The following ZNF469 variants were observed in gnomAD, a reference collection of about 807,000 sequenced individuals.
ZNF469 encodes zinc finger protein 469.
ZNF469 carries 1 observed loss-of-function variant against 1.0 expected under a neutral mutation model. The observed-to-expected ratio is 1.00, with a 90% confidence interval of 0.35 to 4.73. The LOEUF is 4.73. ZNF469 is among the 30% of genes most tolerant of loss of function. The probability of loss-of-function intolerance (pLI) is 0.16; values close to 1 mark genes in which losing one functional copy is unlikely to be tolerated. For missense variants in ZNF469, 6,100 were observed against 5,356.3 expected (o/e 1.14, Z -4.33); for synonymous variants, 2,703 against 2,363.4 (o/e 1.14, Z -4.17).
the ZNF469 span, among the ~76,000 whole-genome samples, chr16:88,193,247 T>TGGG: frequency 7.1e-6 from 1 of 141,434 alleles, no homozygotes; most frequent in Non-Finnish European, 1.6e-5. Flanking sequence ...GTGGTGGTGG[T>TGGG]GATGGTGGTG....
the ZNF469 span, among the ~76,000 whole-genome samples, chr16:88,132,467 T>C: frequency 6.6e-6 from 1 of 152,220 alleles, no homozygotes; most frequent in Non-Finnish European, 1.5e-5. Context: ...TCCAGCTCCA[T>C]GGGGCTCGAG....
chr16:88,379,336 C>T (rs2092515601), upstream of ZNF469, among the ~76,000 whole-genome samples: 1 of 152,140 alleles, frequency 6.6e-6, no homozygotes, highest in Non-Finnish European at 1.5e-5. Context: ...TAGGACCACC[C>T]GGGAGCCTTC....
the ZNF469 span, among the ~76,000 whole-genome samples, chr16:88,268,793 C>T: frequency 1.3e-5 from 2 of 152,222 alleles, no homozygotes; most frequent in Non-Finnish European, 2.9e-5. Flanking sequence ...GTGCCCCAGA[C>T]ACTCGCTTGA....
chr16:88,210,039 T>C, the ZNF469 span, among the ~76,000 whole-genome samples: 98,190 of 152,120 alleles, frequency 0.65, 32,537 homozygotes, highest in East Asian at 0.76. Flanking sequence ...TCCCCAGAGC[T>C]TTCTCATGGG....
the ZNF469 span, among the ~76,000 whole-genome samples, chr16:88,208,674 G>A: frequency 1.3e-5 from 2 of 149,590 alleles, no homozygotes; most frequent in Non-Finnish European, 3.0e-5. Context: ...GAGGGAAGAA[G>A]GGAGGAGGGA....
chr16:88,138,485 T>C, the ZNF469 span, among the ~76,000 whole-genome samples: 6 of 152,256 alleles, frequency 3.9e-5, no homozygotes, highest in Non-Finnish European at 8.8e-5. Flanking sequence ...ATCTTCATTC[T>C]ACATAAGCCT....
the ZNF469 span, among the ~76,000 whole-genome samples, chr16:88,219,862 C>T: frequency 2.6e-5 from 4 of 152,160 alleles, no homozygotes; most frequent in Non-Finnish European, 5.9e-5. Flanking sequence ...CCAGAAGTGG[C>T]CCTCCGTGGG....
the ZNF469 span, among the ~76,000 whole-genome samples, chr16:88,284,085 C>T: frequency 0.039 from 623 of 15,982 alleles, 16 homozygotes; most frequent in Middle Eastern, 0.14. Flanking sequence ...CCGAGGTCTG[C>T]GGAGGCTGGT....
Position 88,437,271 on chromosome 16 carries a change from G to T in ZNF469, c.9801G>T (p.Pro3267=). 6.5e-7 allele frequency: 1 copy of T among 1,548,374 alleles called. No individual in the cohort carries two copies. Among genetic ancestry groups the T allele is most frequent in the Non-Finnish European group, 8.7e-7 (1 of 1,145,862 alleles). ...GQEGEAKKDS[P]GERAKPRARS... is the part of the protein sequence containing the mutation. ...AGGGAGAAGCCAAGAAAGACAGCCC[G>T]GGCGAGAGGGCGAAACCCCGGGCAC... Residue 3267 remains proline (P), a synonymous_variant, in exon 3 of 3, where the codon CCG becomes CCT. Coordinates refer to ENST00000565624, the MANE Select transcript of ZNF469 (RefSeq NM_001367624.2).
chr16:88,166,917 TAGG>T, the ZNF469 span, among the ~76,000 whole-genome samples: 3 of 152,176 alleles, frequency 2.0e-5, no homozygotes, highest in Admixed American at 1.3e-4. This position sits in a 1 kb window ranked among gnomAD's most constrained non-coding sequence, Gnocchi z 4.5. Flanking sequence ...GTGTGATTTT[TAGG>T]AGTTTTCTCT....
intron 1 of ZNF469, among the ~76,000 whole-genome samples, chr16:88,393,624 G>A (rs546115876): frequency 2.6e-5 from 4 of 152,170 alleles, no homozygotes; most frequent in Admixed American, 2.0e-4. Context: ...GGAGGGGTTC[G>A]GGTGGGGGTC....
At chr16:88,216,392 G>A in the ZNF469 span, among the ~76,000 whole-genome samples, 1 of 151,920 alleles carries the variant, frequency 6.6e-6, no homozygotes, top group East Asian at 1.9e-4. Flanking sequence ...TACTTGGGAG[G>A]CTGAGGCAGG....
chr16:88,172,809 T>C, the ZNF469 span, among the ~76,000 whole-genome samples: 1 of 152,342 alleles, frequency 6.6e-6, no homozygotes, highest in South Asian at 2.1e-4. Flanking sequence ...AGAAATTTAA[T>C]ACCTGAAATG....
intron 1 of ZNF469, among the ~76,000 whole-genome samples, chr16:88,403,868 C>A (rs1904952358): frequency 6.6e-6 from 1 of 152,164 alleles, no homozygotes. Context: ...CACTCCTCAG[C>A]CTGGTTCAAA....
the ZNF469 span, among the ~76,000 whole-genome samples, chr16:88,344,948 G>A: frequency 6.6e-6 from 1 of 152,184 alleles, no homozygotes; most frequent in African/African-American, 2.4e-5. Flanking sequence ...GTGTGGCCCC[G>A]ACATCCCTGA....
At chr16:88,364,489 C>CAAAA in the ZNF469 span, among the ~76,000 whole-genome samples, 7 of 56,136 alleles carry the variant, frequency 1.2e-4, no homozygotes, top group African/African-American at 3.5e-4. Flanking sequence ...TGTTGATTTC[C>CAAAA]AAAAAAAAAA....
chr16:88,319,546 G>A, the ZNF469 span, among the ~76,000 whole-genome samples: 18 of 152,274 alleles, frequency 1.2e-4, no homozygotes, highest in African/African-American at 3.6e-4. Context: ...CATGTGCAGC[G>A]CCTCTCAGAG....
At chr16:88,228,409 C>G in the ZNF469 span, among the ~76,000 whole-genome samples, 2 of 152,226 alleles carry the variant, frequency 1.3e-5, no homozygotes, top group Non-Finnish European at 2.9e-5. Context: ...TGGCACCTGC[C>G]CCGCAGGACT....
intron 1 of ZNF469, among the ~76,000 whole-genome samples, chr16:88,406,724 T>G (rs529196926): frequency 1.3e-5 from 2 of 152,286 alleles, no homozygotes; most frequent in African/African-American, 4.8e-5. Flanking sequence ...TACAGAGTCC[T>G]CTCTGTGTGT....
Sources: gnomAD v4.1 joint callset for allele counts (sites outside exome capture counted in the v4.1 genomes callset) on GRCh38, gnomAD v4.1.1 for gene constraint, Gnocchi (gnomAD v3.1) non-coding constraint, MANE v1.5 for transcripts, NCBI Gene and HGNC (gene_info 2026-07-23, HGNC 2026-07-21) for gene names.